The following ANKFY1 variants were observed in gnomAD, a reference collection of about 807,000 sequenced individuals.
ANKFY1 encodes ankyrin repeat and FYVE domain-containing protein 1.
ANKFY1 carries 47 observed loss-of-function variants against 128.3 expected under a neutral mutation model. The ratio of observed to expected loss-of-function variants is 0.37; its 90% confidence interval spans 0.29 to 0.47. ANKFY1 has a LOEUF of 0.47. Among genes scored for constraint, ANKFY1 ranks in the 20% least tolerant of loss-of-function variants. The pLI is 1.00. For missense variants in ANKFY1, 1,222 were observed against 1,510.6 expected, an observed-to-expected ratio of 0.81 and a Z score of 3.17; for synonymous variants, 553 against 601.6, an observed-to-expected ratio of 0.92 and a Z score of 1.18.
intron 2 of ANKFY1, among the ~76,000 whole-genome samples, chr17:4,237,595 A>G (rs933145954): frequency 1.3e-5 from 2 of 152,228 alleles, no homozygotes; most frequent in African/African-American, 4.8e-5. Context: ...TAGCCACAAA[A>G]TTACAAAAAT....
intron 2 of ANKFY1, among the ~76,000 whole-genome samples, chr17:4,238,768 G>GT (rs199875308): frequency 8.1e-4 from 118 of 144,804 alleles, no homozygotes; most frequent in African/African-American, 2.7e-3. Flanking sequence ...ACCCAGCCTT[G>GT]TTTTTTTTTT....
In ANKFY1 at chr17:4,205,870, T is replaced by C. The variant is rs571011536; in HGVS notation, c.898+451A>G. On this transcript the variant is annotated intron_variant, in intron 7 of 24. Transcript: ENST00000341657. Reference sequence around the variant, plus strand: ...TCTGCTAGAACAAAATGAAACTCTATCAATTTATCATAATAGAGGCCTAGC... The same window carrying C: ...TCTGCTAGAACAAAATGAAACTCTACCAATTTATCATAATAGAGGCCTAGC... Among the ~76,000 whole-genome samples, 164 of 152,336 alleles carry C rather than the reference T, an allele frequency of 1.1e-3. 2 individuals carry two copies. The highest frequency in any genetic ancestry group is 3.7e-3 in the African/African-American group (154 of 41,574).
chr17:4,223,760 G>C (rs954567885), intron 3 of ANKFY1: 46 of 1,562,010 alleles, frequency 2.9e-5, no homozygotes, highest in Non-Finnish European at 3.8e-5. Flanking sequence ...AGATCCGGGG[G>C]AGAGGCCCAA....
In ANKFY1 at chr17:4,183,550, G is replaced by C; in HGVS notation, c.1800C>G (p.Gly600=). 1 of 1,611,958 alleles carries C rather than the reference G, an allele frequency of 6.2e-7. No individual in the cohort carries two copies. The highest frequency in any genetic ancestry group is 8.5e-7 in the Non-Finnish European group (1 of 1,179,970). The change falls in exon 14 of 25, where the codon GGC becomes GGG. Residue 600 remains glycine, a splice_region_variant and synonymous_variant. Transcript: ENST00000341657. ...GCAGCTGGGCTGCGATCGTGTGCATGCCTGGGAAACAAGCCCCGATCTCAT... is the reference window on the plus strand; with the variant it reads ...GCAGCTGGGCTGCGATCGTGTGCATCCCTGGGAAACAAGCCCCGATCTCAT... ...QTVLGLALWT[G]MHTIAAQLLG... is the part of the protein sequence containing the mutation.
At chr17:4,247,857 A>T (rs1598146226) in intron 1 of ANKFY1, among the ~76,000 whole-genome samples, 1 of 152,342 alleles carries the variant, frequency 6.6e-6, no homozygotes, top group South Asian at 2.1e-4. Flanking sequence ...GTAAACACTG[A>T]AAGTACTAAT....
At position 4,181,815 on chromosome 17, in the gene ANKFY1, T is replaced by G. The variant is rs537269295; in HGVS notation, c.2121+366A>C. Among the ~76,000 whole-genome samples the G allele has an allele frequency of 1.3e-5, 2 of 152,318 alleles. No homozygotes were observed. Among genetic ancestry groups the G allele is most frequent in the African/African-American group, 4.8e-5 (2 of 41,554 alleles). On this transcript the variant is annotated intron_variant, in intron 15 of 24. Transcript: ENST00000341657. The surrounding 1 kb of genome is among the most constrained non-coding windows in gnomAD (Gnocchi z 4.9). ...AGAGCTGAATGAGAATGTGCAGGTT[T>G]GCCTCCACTTTTGGGGCCTGTCTTG...
At chr17:4,173,520 G>A in intron 20 of ANKFY1, 76 bp from the exon 21 acceptor site, 1 of 1,379,364 alleles carries the variant, frequency 7.2e-7, no homozygotes, top group African/African-American at 1.4e-5. Context: ...CACCCTCACA[G>A]ACCTCTCTGT....
intron 2 of ANKFY1, among the ~76,000 whole-genome samples, chr17:4,237,735 A>G (rs1194847772): frequency 1.3e-5 from 2 of 152,214 alleles, no homozygotes; most frequent in East Asian, 3.8e-4. Flanking sequence ...ATTTTTTAAA[A>G]CACAAATGAA....
intron 9 of ANKFY1, 84 bp downstream of exon 9, chr17:4,195,319 C>A: frequency 6.7e-7 from 1 of 1,482,050 alleles, no homozygotes; most frequent in Non-Finnish European, 9.3e-7. Flanking sequence ...ATATGCAACA[C>A]TAAAGATGTT....
At chr17:4,200,804 T>A (rs1485049056) in intron 7 of ANKFY1, among the ~76,000 whole-genome samples, 1 of 152,210 alleles carries the variant, frequency 6.6e-6, no homozygotes, top group Non-Finnish European at 1.5e-5. Context: ...GAATCACAAC[T>A]CGAGACGATG....
chr17:4,174,921 G>A (rs759350498), intron 19 of ANKFY1, among the ~76,000 whole-genome samples: 13 of 151,740 alleles, frequency 8.6e-5, no homozygotes, highest in Non-Finnish European at 1.5e-4. Context: ...TAGAGACAAC[G>A]TCTTGCTATG....
At position 4,216,996 on chromosome 17, in the gene ANKFY1, G is replaced by A. The variant is rs775483093; in HGVS notation, c.445C>T (p.Leu149Phe). Residue 149 changes from leucine (L) to phenylalanine (F), a missense_variant, in exon 4 of 25, where the codon CTC becomes TTC. Physicochemically the swap from Leu to Phe is conservative, Grantham distance 22. Transcript: ENST00000341657. ...MKLANRFQLQLLRERCEKGVM... is the reference protein window; with the variant it reads ...MKLANRFQLQFLRERCEKGVM... ...GCTGTGACTTGCCTCTCCCTGAGGA[G>A]CTGTAGCTGAAACCGATTTGCTAGT... 3 of 1,614,052 alleles carry A rather than the reference G, an allele frequency of 1.9e-6. No individual in the cohort carries two copies. Among genetic ancestry groups the A allele is most frequent in the Non-Finnish European group, 2.5e-6 (3 of 1,180,030 alleles).
chr17:4,184,678 G>C, intron 12 of ANKFY1, 140 bp downstream of exon 12: 1 of 895,566 alleles, frequency 1.1e-6, no homozygotes, highest in Non-Finnish European at 1.8e-6. Context: ...TGCTTCTCTA[G>C]TTTGACCTGA....
At chr17:4,233,555 A>G (rs1324666200) in intron 3 of ANKFY1, among the ~76,000 whole-genome samples, 2 of 152,242 alleles carry the variant, frequency 1.3e-5, no homozygotes, top group Non-Finnish European at 2.9e-5. Context: ...AGAAATTATC[A>G]TAAAGAGACA....
At chr17:4,191,477 A>G (rs1468927530) in intron 10 of ANKFY1, 45 of 126,730 alleles carry the variant, frequency 3.6e-4, no homozygotes, top group Admixed American at 6.6e-4. Flanking sequence ...GTTGATGGTT[A>G]CTCTAATCTG....
intron 12 of ANKFY1, among the ~76,000 whole-genome samples, 173 bp downstream of exon 12, chr17:4,184,645 C>CA (rs2059577932): frequency 6.6e-6 from 1 of 152,192 alleles, no homozygotes. Context: ...CACAGGGAAG[C>CA]AGCAGTCAAG....
intron 19 of ANKFY1, among the ~76,000 whole-genome samples, chr17:4,175,058 T>A (rs1283571107): frequency 6.7e-6 from 1 of 148,962 alleles, no homozygotes; most frequent in East Asian, 2.1e-4. Context: ...ACAGGCCGGG[T>A]GCAGTGGCTC....
At position 4,166,546 on chromosome 17, in the gene ANKFY1, C is replaced by T. The variant is rs975699475; in HGVS notation, c.*1233G>A. 1.3e-5 allele frequency: 2 copies of T among 152,584 alleles called. No individual in the cohort carries two copies. The highest frequency in any genetic ancestry group is 4.8e-5 in the African/African-American group (2 of 41,456). The allele number at this position is 152,584 out of a possible 1,614,324, so 9.5% of individuals were successfully genotyped here. A position where few individuals can be genotyped will look rare whatever the true frequency, so the allele number is the denominator to read the frequency against. ...TAATATATGTACTAACAGCGATGAA[C>T]GCCCAACAAGTTCTGGCAGCCTCAT... On this transcript the variant is annotated 3_prime_UTR_variant, in exon 25 of 25. Transcript: ENST00000341657.
intron 4 of ANKFY1, among the ~76,000 whole-genome samples, chr17:4,212,890 C>A (rs1455740832): frequency 6.6e-6 from 1 of 151,314 alleles, no homozygotes; most frequent in East Asian, 1.9e-4. Context: ...CCTGCCTCAG[C>A]CTCCAGAATA....
Sources: gnomAD v4.1 joint callset for allele counts (sites outside exome capture counted in the v4.1 genomes callset) on GRCh38, gnomAD v4.1.1 for gene constraint, Gnocchi (gnomAD v3.1) non-coding constraint, MANE v1.5 for transcripts, NCBI Gene and HGNC (gene_info 2026-07-23, HGNC 2026-07-21) for gene names.